Variants in CAMKMT observed in about 807,000 individuals in gnomAD.
CAMKMT encodes calmodulin-lysine N-methyltransferase.
Under a neutral mutation model 48.0 loss-of-function variants are expected in CAMKMT, and 53 were observed. The ratio of observed to expected loss-of-function variants is 1.10; its 90% CI spans 0.89 to 1.39. CAMKMT has a LOEUF of 1.39. CAMKMT is among the 40% of genes most tolerant of loss of function. The pLI, the probability that CAMKMT is intolerant of heterozygous loss-of-function variation, is 0.00. For synonymous variants in CAMKMT, 165 were observed against 152.3 expected (o/e 1.08, Z -0.61); for missense variants, 428 against 402.7 (o/e 1.06, Z -0.54).
At chr2:44,369,010 C>G (rs1047591558) in intron 1 of CAMKMT, among the ~76,000 whole-genome samples, 1 of 152,104 alleles carries the variant, frequency 6.6e-6, no homozygotes, top group African/African-American at 2.4e-5. Flanking sequence ...CTCAGCCTCT[C>G]AAGAACCTGG....
intron 2 of CAMKMT, among the ~76,000 whole-genome samples, chr2:44,389,400 T>C (rs958239937): frequency 5.9e-5 from 9 of 152,226 alleles, no homozygotes; most frequent in African/African-American, 2.2e-4. Context: ...CGTAATTCTA[T>C]ATATCACTTA....
At chr2:44,502,181 A>C (rs1449402726) in intron 3 of CAMKMT, among the ~76,000 whole-genome samples, 1 of 152,110 alleles carries the variant, frequency 6.6e-6, no homozygotes, top group African/African-American at 2.4e-5. Context: ...AGATCGCACC[A>C]CTACACTCCA....
chr2:44,529,808 G>A (rs1410101052), intron 3 of CAMKMT, among the ~76,000 whole-genome samples: 1 of 152,158 alleles, frequency 6.6e-6, no homozygotes, highest in African/African-American at 2.4e-5. Flanking sequence ...GTGGACTTCT[G>A]TTGTTATTTA....
chr2:44,567,980 G>C (rs1668705052), intron 3 of CAMKMT, among the ~76,000 whole-genome samples: 1 of 151,554 alleles, frequency 6.6e-6, no homozygotes, highest in Non-Finnish European at 1.5e-5. Context: ...TGGGGACCAA[G>C]GTTAATTGTT....
intron 3 of CAMKMT, among the ~76,000 whole-genome samples, chr2:44,506,613 G>C (rs1470709332): frequency 6.6e-6 from 1 of 152,058 alleles, no homozygotes; most frequent in Non-Finnish European, 1.5e-5. Flanking sequence ...TCTCAATGTA[G>C]GGGGACTCTA....
intron 1 of CAMKMT, among the ~76,000 whole-genome samples, chr2:44,363,535 G>C (rs1678222657): frequency 6.6e-6 from 1 of 150,952 alleles, no homozygotes; most frequent in Non-Finnish European, 1.5e-5. Context: ...GCACCACCAC[G>C]CCTGGCTAAT....
chr2:44,656,364 T>A (rs1469217919), intron 3 of CAMKMT, among the ~76,000 whole-genome samples: 1 of 152,128 alleles, frequency 6.6e-6, no homozygotes, highest in African/African-American at 2.4e-5. Context: ...TCTTTTTTTT[T>A]TAAAAAAATG....
At chr2:44,529,527 A>T (rs1186230162) in intron 3 of CAMKMT, among the ~76,000 whole-genome samples, 1 of 152,176 alleles carries the variant, frequency 6.6e-6, no homozygotes, top group East Asian at 1.9e-4. Context: ...TAAGGAATGA[A>T]TACATGTTCA....
chr2:44,658,387 C>CA (rs1367005769), intron 3 of CAMKMT, among the ~76,000 whole-genome samples: 2 of 152,160 alleles, frequency 1.3e-5, no homozygotes, highest in Non-Finnish European at 2.9e-5. Context: ...GAAAAGGGGG[C>CA]ACCGGGTGTG....
intron 3 of CAMKMT, among the ~76,000 whole-genome samples, chr2:44,424,644 T>C (rs1684161396): frequency 6.6e-6 from 1 of 152,180 alleles, no homozygotes; most frequent in Admixed American, 6.5e-5. Flanking sequence ...TTGGAGACTA[T>C]TATTCTAAGT....
At chr2:44,425,278 A>C (rs1045909235) in intron 3 of CAMKMT, among the ~76,000 whole-genome samples, 3 of 152,226 alleles carry the variant, frequency 2.0e-5, no homozygotes, top group East Asian at 3.8e-4. Flanking sequence ...CAATATTTCA[A>C]ATCTACTTAT....
chr2:44,495,726 C>G (rs1026156053), intron 3 of CAMKMT, among the ~76,000 whole-genome samples: 1 of 152,144 alleles, frequency 6.6e-6, no homozygotes, highest in African/African-American at 2.4e-5. Flanking sequence ...AATCTCTAGT[C>G]AGCTCCATTC....
chr2:44,604,415 C>T (rs1671167163), intron 3 of CAMKMT, among the ~76,000 whole-genome samples: 1 of 152,066 alleles, frequency 6.6e-6, no homozygotes, highest in Non-Finnish European at 1.5e-5. Flanking sequence ...AGGGAAACAA[C>T]CAATTTTCTC....
intron 3 of CAMKMT, among the ~76,000 whole-genome samples, chr2:44,665,589 T>A (rs2104101416): frequency 6.6e-6 from 1 of 152,296 alleles, no homozygotes; most frequent in Non-Finnish European, 1.5e-5. Context: ...TGATCAGATT[T>A]TTAAGGCATT....
intron 3 of CAMKMT, among the ~76,000 whole-genome samples, chr2:44,422,029 GA>G (rs1683966738): frequency 6.6e-6 from 1 of 152,044 alleles, no homozygotes; most frequent in East Asian, 1.9e-4. Context: ...ATACAGTTTG[GA>G]TATATGTCCC....
chr2:44,523,293 T>A (rs1671217827), intron 3 of CAMKMT, among the ~76,000 whole-genome samples: 1 of 127,944 alleles, frequency 7.8e-6, no homozygotes, highest in Non-Finnish European at 1.6e-5. Context: ...GGGGACCCAC[T>A]TTTTTTTTTT....
At chr2:44,621,266 C>CAAAAAAAAAAAAAAAAAA (rs10667154) in intron 3 of CAMKMT, among the ~76,000 whole-genome samples, 1 of 84,526 alleles carries the variant, frequency 1.2e-5, no homozygotes, top group African/African-American at 5.3e-5. Flanking sequence ...GACTCCATCT[C>CAAAAAAAAAAAAAAAAAA]AAAAAAAAAA....
At chr2:44,487,454 T>C (rs979967737) in intron 3 of CAMKMT, among the ~76,000 whole-genome samples, 1 of 152,216 alleles carries the variant, frequency 6.6e-6, no homozygotes, top group African/African-American at 2.4e-5. Context: ...AGGTCAGACT[T>C]GAATTTTATA....
intron 3 of CAMKMT, among the ~76,000 whole-genome samples, chr2:44,581,047 G>C (rs1208527764): frequency 6.6e-6 from 1 of 151,984 alleles, no homozygotes; most frequent in Non-Finnish European, 1.5e-5. Flanking sequence ...TATTATAAAA[G>C]ATAAATGCCA....
Sources: allele counts gnomAD v4.1 joint callset (sites outside exome capture counted in the v4.1 genomes callset), GRCh38; gene constraint gnomAD v4.1.1; transcripts MANE v1.5; gene names NCBI Gene and HGNC (gene_info 2026-07-23, HGNC 2026-07-21).